The following LEAP2 variants were observed in gnomAD, a reference collection of about 807,000 sequenced individuals.
The protein encoded by LEAP2 is liver enriched antimicrobial peptide 2, also known as liver-expressed antimicrobial peptide 2.
LEAP2 carries 13 observed loss-of-function variants against 9.3 expected under a neutral mutation model. The observed-to-expected ratio is 1.39, with a 90% CI of 0.91 to 2.21. LEAP2 has a LOEUF of 2.21. LEAP2 is among the 30% of genes most tolerant of loss of function. LEAP2 has a pLI of 0.00. For missense variants in LEAP2, 98 were observed against 94.0 expected, an observed-to-expected ratio of 1.04 and a Z score of -0.17; for synonymous variants, 34 against 34.9, an observed-to-expected ratio of 0.98 and a Z score of 0.09.
rs1055332313 is a variant in LEAP2 at position 132,874,806 on chromosome 5, G to A, written c.*360G>A. The A allele has an allele frequency of 7.8e-6, 3 of 385,910 alleles. No homozygotes were observed. Among genetic ancestry groups the A allele is most frequent in the African/African-American group, 4.2e-5 (2 of 47,972 alleles). 23.9% of individuals were successfully genotyped at this position (385,910 alleles called of 1,614,324 possible). A position where few individuals can be genotyped will look rare whatever the true frequency, so the allele number is the denominator to read the frequency against. On this transcript the variant is annotated 3_prime_UTR_variant, in exon 3 of 3. Transcript: ENST00000296877. ...ATGTGTTAACTTCTCAATCTGGAAAGTGTAGTGAGAGCTACATAATCAATA... is the reference window on the plus strand; with the variant it reads ...ATGTGTTAACTTCTCAATCTGGAAAATGTAGTGAGAGCTACATAATCAATA...
In LEAP2 at chr5:132,873,733, C is replaced by G. The variant is rs549915664; in HGVS notation, c.39C>G (p.Phe13Leu). Residue 13 changes from phenylalanine (F) to leucine (L), a missense_variant, in exon 1 of 3, where the codon TTC becomes TTG. By Grantham distance (22) the Phe-to-Leu change is conservative. Transcript: ENST00000296877. ...AACTTTGTGCAGTCCTCATGATCTT[C>G]CTGTTGCTGTTGGGCCAGGTAAGGA... ...HLKLCAVLMI[F>L]LLLLGQIDGS... The G allele has an allele frequency of 6.2e-7, 1 of 1,614,012 alleles. No homozygotes were observed. The highest frequency in any genetic ancestry group is 1.1e-5 in the South Asian group (1 of 91,068).
rs1759783925 is a variant in LEAP2 at position 132,874,174 on chromosome 5, A to G, written c.197+85A>G. The G allele has an allele frequency of 2.2e-5, 31 of 1,422,360 alleles. No individual in the cohort carries two copies. The South Asian group carries it at 3.8e-4, about 18-fold the overall frequency. The allele number at this position is 1,422,360 out of a possible 1,614,324, so 88.1% of individuals were successfully genotyped here. On this transcript the variant is annotated intron_variant, in intron 2 of 2. Transcript: ENST00000296877. ...AGTGACAAGGGGACACATGAACCTA[A>G]GAATAAAGCTGGGATGGAGGAGTTC...
chr5:132,873,968 C>T lies in LEAP2; in HGVS notation c.76C>T (p.Pro26Ser). Residue 26 changes from proline to serine, a missense_variant, in exon 2 of 3, where the codon CCA becomes TCA. Coordinates refer to ENST00000296877, the MANE Select transcript of LEAP2 (RefSeq NM_052971.3). ...CTTACAGATAGATGGCTCCCCAATA[C>T]CAGAAGTGAGTTCGGCAAAGAGAAG... is the stretch of plus-strand genomic sequence containing the variant. ...LLGQIDGSPI[P>S]EVSSAKRRPR... 11 of 1,614,038 alleles carry T rather than the reference C, an allele frequency of 6.8e-6. No homozygotes were observed. The highest frequency in any genetic ancestry group is 8.5e-6 in the Non-Finnish European group (10 of 1,179,998).
At chr5:132,874,323 TCAA>T in intron 2 of LEAP2, 84 bp from the exon 3 acceptor site, 2 of 1,217,148 alleles carry the variant, frequency 1.6e-6, no homozygotes, top group South Asian at 2.4e-5. Context: ...ACTGGACAGA[TCAA>T]GCAAAGAGGA....
At chr5:132,874,320 A>G in intron 2 of LEAP2, 90 bp from the exon 3 acceptor site, 3 of 1,191,016 alleles carry the variant, frequency 2.5e-6, no homozygotes, top group Non-Finnish European at 3.8e-6. Context: ...GAGACTGGAC[A>G]GATCAAGCAA....
intron 1 of LEAP2, 54 bp downstream of exon 1, chr5:132,873,805 TG>T: frequency 1.3e-6 from 2 of 1,583,468 alleles, no homozygotes; most frequent in Non-Finnish European, 1.7e-6. Context: ...ATGATAGTGG[TG>T]GTGGAACTTG....
intron 2 of LEAP2, 105 bp from the exon 3 acceptor site, chr5:132,874,305 T>C (rs1445026925): frequency 8.9e-7 from 1 of 1,118,816 alleles, no homozygotes; most frequent in African/African-American, 1.5e-5. Context: ...TCTTCAGTCT[T>C]TCCTGAGACT....
In LEAP2 at chr5:132,874,629, T is replaced by C. The variant is rs780673814; in HGVS notation, c.*183T>C. The C allele has an allele frequency of 1.0e-4, 70 of 689,692 alleles. No homozygotes were observed. The highest frequency in any genetic ancestry group is 1.5e-4 in the Non-Finnish European group (57 of 377,932). The allele number at this position is 689,692 out of a possible 1,614,324, so 42.7% of individuals were successfully genotyped here. A position where few individuals can be genotyped will look rare whatever the true frequency, so the allele number is the denominator to read the frequency against. On this transcript the variant is annotated 3_prime_UTR_variant, in exon 3 of 3. Coordinates refer to ENST00000296877, the MANE Select transcript of LEAP2 (RefSeq NM_052971.3). Reference sequence around the variant, plus strand: ...TCTTCTTAGAATGTTGATATATGGATAAGCATAACTAAACTTGTCAATTTA... The same window carrying C: ...TCTTCTTAGAATGTTGATATATGGACAAGCATAACTAAACTTGTCAATTTA...
In LEAP2 at chr5:132,874,771, T is replaced by C. The variant is rs559364254; in HGVS notation, c.*325T>C. 1 of 443,916 alleles carries C rather than the reference T, an allele frequency of 2.3e-6. No homozygotes were observed. The highest frequency in any genetic ancestry group is 4.8e-5 in the East Asian group (1 of 20,898). The allele number at this position is 443,916 out of a possible 1,614,324, so 27.5% of individuals were successfully genotyped here. On this transcript the variant is annotated 3_prime_UTR_variant, in exon 3 of 3. Transcript: ENST00000296877. ...TTGTATACTAAAGAAAAAAACAGCA[T>C]TGCCCAATAATGTGTTAACTTCTCA...
chr5:132,873,903 C>T lies in LEAP2; in HGVS notation c.58-47C>T, dbSNP rs370203191. Reference sequence around the variant, plus strand: ...GGAATGATCACTCTTCCAAGGTGTGCAGCAGGGTGTCAACACTTTCATATC... The same window carrying T: ...GGAATGATCACTCTTCCAAGGTGTGTAGCAGGGTGTCAACACTTTCATATC... On this transcript the variant is annotated intron_variant, in intron 1 of 2. Coordinates refer to ENST00000296877, the MANE Select transcript of LEAP2 (RefSeq NM_052971.3). 2.5e-6 allele frequency: 4 copies of T among 1,609,598 alleles called. No homozygotes were observed. The African/African-American group carries it at 4.0e-5, about 16-fold the overall frequency.
At chr5:132,873,873 G>C (rs950790190) in intron 1 of LEAP2, 77 bp from the exon 2 acceptor site, 1 of 1,595,378 alleles carries the variant, frequency 6.3e-7, no homozygotes, top group East Asian at 2.2e-5. Flanking sequence ...CAGCATCTGC[G>C]GAATGGAATG....
In LEAP2 at chr5:132,874,548, C is replaced by T; in HGVS notation, c.*102C>T. ...TTTGGCTGGAGACACCCAAGTGAAG[C>T]AATCTTGTATTTTTAATATTTAAAG... On this transcript the variant is annotated 3_prime_UTR_variant, in exon 3 of 3. Transcript: ENST00000296877. 1 of 988,306 alleles carries T rather than the reference C, an allele frequency of 1.0e-6. No homozygotes were observed. Among genetic ancestry groups the T allele is most frequent in the South Asian group, 1.3e-5 (1 of 75,350 alleles). 61.2% of individuals were successfully genotyped at this position (988,306 alleles called of 1,614,324 possible).
At chr5:132,874,203 A>C in intron 2 of LEAP2, 114 bp downstream of exon 2, 1 of 1,217,690 alleles carries the variant, frequency 8.2e-7, no homozygotes. Flanking sequence ...GGAGTTCTAG[A>C]CTGAGACTGG....
chr5:132,873,908 G>C (rs1759776791), intron 1 of LEAP2, 42 bp from the exon 2 acceptor site: 1 of 1,611,376 alleles, frequency 6.2e-7, no homozygotes, highest in South Asian at 1.1e-5. Flanking sequence ...GTGTGCAGCA[G>C]GGTGTCAACA....
rs1759775450 is a variant in LEAP2 at position 132,873,845 on chromosome 5, T to C, written c.57+94T>C. ...GCTAGATTCAGTCCTGAGGAATGGT[T>C]CCTCTGTTCTGAGTCTACAGCATCT... On this transcript the variant is annotated intron_variant, in intron 1 of 2. Transcript: ENST00000296877. 10 of 1,582,266 alleles carry C rather than the reference T, an allele frequency of 6.3e-6. No individual in the cohort carries two copies. The South Asian group carries it at 1.1e-4, about 18-fold the overall frequency.
At chr5:132,874,364 C>A (rs371644406) in intron 2 of LEAP2, 46 bp from the exon 3 acceptor site, 6 of 1,534,644 alleles carry the variant, frequency 3.9e-6, no homozygotes, top group African/African-American at 1.4e-5. Context: ...TGGCCCTGGT[C>A]ATTCCTAGAC....
chr5:132,874,274 G>GA (rs1759785298), intron 2 of LEAP2, 136 bp from the exon 3 acceptor site: 5 of 977,284 alleles, frequency 5.1e-6, no homozygotes, highest in Non-Finnish European at 8.0e-6. Context: ...TGGGTACCAT[G>GA]AAAGAGTGGT....
chr5:132,873,781 T>G (rs1418090747), intron 1 of LEAP2, 30 bp downstream of exon 1: 1 of 1,597,618 alleles, frequency 6.3e-7, no homozygotes. Flanking sequence ...TATGTGTGTG[T>G]GTGGAGTGTG....
At chr5:132,873,777 T>C (rs779091146) in intron 1 of LEAP2, 26 bp downstream of exon 1, 37 of 1,605,606 alleles carry the variant, frequency 2.3e-5, no homozygotes, top group Non-Finnish European at 3.1e-5. Flanking sequence ...TACTTATGTG[T>C]GTGTGTGGAG....
Sources: allele counts gnomAD v4.1 joint callset, GRCh38; gene constraint gnomAD v4.1.1; transcripts MANE v1.5; gene names NCBI Gene and HGNC (gene_info 2026-07-23, HGNC 2026-07-21).